Variants in FOXN3 observed in about 807,000 individuals in gnomAD.
FOXN3 encodes the protein forkhead box N3.
Under a neutral mutation model 38.4 loss-of-function variants are expected in FOXN3, and 7 were observed. The ratio of observed to expected loss-of-function variants is 0.18; its 90% CI spans 0.10 to 0.34. The LOEUF (loss-of-function observed/expected upper bound fraction) is 0.34, where lower values mean the gene tolerates loss of function less well. FOXN3 is among the 10% of genes least tolerant of loss of function. The pLI, the probability that FOXN3 is intolerant of heterozygous loss-of-function variation, is 1.00. For missense variants in FOXN3, 456 were observed against 613.4 expected (o/e 0.74, Z 2.71); for synonymous variants, 230 against 242.2 (o/e 0.95, Z 0.47).
rs1894938794 is a variant in FOXN3 at position 89,548,825 on chromosome 14, T to A, written c.-15+70203A>T. ...AGAAATATCAGAACAAGGTATTCAG[T>A]TTTTTATAATGTGCCGGGCGCGGTG... On this transcript the variant is annotated intron_variant, in intron 1 of 6. Transcript: ENST00000345097. This position sits in a 1 kb window ranked among gnomAD's most constrained non-coding sequence, Gnocchi z 4.8. Among the ~76,000 whole-genome samples the A allele has an allele frequency of 6.6e-6, 1 of 152,164 alleles. No individual in the cohort carries two copies. The highest frequency in any genetic ancestry group is 1.9e-4 in the East Asian group (1 of 5,198).
At position 89,224,091 on chromosome 14, in the gene FOXN3, A is replaced by G. The variant is rs80175297; in HGVS notation, c.746-43285T>C. Among the ~76,000 whole-genome samples the G allele has an allele frequency of 7.8e-3, 1,187 of 152,174 alleles. 18 individuals carry two copies. Among genetic ancestry groups the G allele is most frequent in the African/African-American group, 0.028 (1,152 of 41,400 alleles). On this transcript the variant is annotated intron_variant, in intron 4 of 5. Transcript: ENST00000557258. ...GATTTTGATTTGAAGTCAAAATCTC[A>G]GTAAGGTCATATATACTATACAAGA...
intron 1 of FOXN3, among the ~76,000 whole-genome samples, chr14:89,581,502 AAGAT>A (rs1383982522): frequency 1.3e-5 from 2 of 151,698 alleles, no homozygotes; most frequent in Non-Finnish European, 2.9e-5. Flanking sequence ...AAAAAAGAGA[AAGAT>A]AGAATAGGAA....
At chr14:89,354,704 A>G (rs1276666930) in intron 2 of FOXN3, among the ~76,000 whole-genome samples, 2 of 151,584 alleles carry the variant, frequency 1.3e-5, no homozygotes, top group Non-Finnish European at 2.9e-5. Context: ...AAAATACCAT[A>G]ATTAGCTGGG....
At chr14:89,286,982 C>T (rs995547574) in intron 3 of FOXN3, among the ~76,000 whole-genome samples, 3 of 152,020 alleles carry the variant, frequency 2.0e-5, no homozygotes, top group Non-Finnish European at 4.4e-5. Flanking sequence ...GTGGAGAGAC[C>T]GTGGGATTTG....
chr14:89,465,416 G>T (rs145428602), intron 1 of FOXN3, among the ~76,000 whole-genome samples: 1 of 152,256 alleles, frequency 6.6e-6, no homozygotes, highest in African/African-American at 2.4e-5. Flanking sequence ...TTTTAGTAGA[G>T]ACGGGTTTTC....
chr14:89,365,888 T>G (rs1890126403), intron 2 of FOXN3, among the ~76,000 whole-genome samples: 2 of 152,160 alleles, frequency 1.3e-5, no homozygotes, highest in Admixed American at 1.3e-4. Context: ...AAATTTAACA[T>G]GAAAGTTAAA....
chr14:89,517,166 A>C (rs998052331), intron 1 of FOXN3, among the ~76,000 whole-genome samples: 6 of 152,016 alleles, frequency 3.9e-5, no homozygotes, highest in African/African-American at 1.4e-4. Flanking sequence ...CCCCAACCAG[A>C]CAGATGGTCA....
chr14:89,463,925 C>T (rs899302554), intron 1 of FOXN3, among the ~76,000 whole-genome samples: 6 of 150,870 alleles, frequency 4.0e-5, no homozygotes, highest in Admixed American at 6.6e-5. Context: ...GCTGGGATTA[C>T]AGGCACATGC....
At chr14:89,406,432 A>C (rs1891390556) in intron 2 of FOXN3, among the ~76,000 whole-genome samples, 1 of 152,066 alleles carries the variant, frequency 6.6e-6, no homozygotes, top group Non-Finnish European at 1.5e-5. Context: ...AAATTAAATC[A>C]ATAATTTTTA....
chr14:89,235,369 G>A (rs1332933772), intron 4 of FOXN3, among the ~76,000 whole-genome samples: 1 of 152,186 alleles, frequency 6.6e-6, no homozygotes, highest in Non-Finnish European at 1.5e-5. Flanking sequence ...GTATAGGAGT[G>A]TGCCTGTGTG....
chr14:89,492,044 G>C (rs1238642042), intron 1 of FOXN3, among the ~76,000 whole-genome samples: 1 of 152,162 alleles, frequency 6.6e-6, no homozygotes, highest in East Asian at 1.9e-4. Flanking sequence ...CTGACTGTTG[G>C]AAAGGCCTGC....
At chr14:89,235,380 A>G (rs955873742) in intron 4 of FOXN3, among the ~76,000 whole-genome samples, 45 of 152,038 alleles carry the variant, frequency 3.0e-4, no homozygotes, top group African/African-American at 1.1e-3. Flanking sequence ...TGCCTGTGTG[A>G]GGGGCTTCTG....
At chr14:89,347,580 A>G (rs1357655164) in intron 3 of FOXN3, among the ~76,000 whole-genome samples, 1 of 152,230 alleles carries the variant, frequency 6.6e-6, no homozygotes, top group African/African-American at 2.4e-5. Flanking sequence ...CACTTCGATT[A>G]AAAACAATTC....
intron 1 of FOXN3, among the ~76,000 whole-genome samples, chr14:89,576,027 A>T (rs1895606280): frequency 6.6e-6 from 1 of 152,336 alleles, no homozygotes; most frequent in South Asian, 2.1e-4. Context: ...CATCGCTGAC[A>T]TCGTAAGTGA....
intron 4 of FOXN3, among the ~76,000 whole-genome samples, chr14:89,239,218 G>T (rs1885071344): frequency 6.6e-6 from 1 of 152,178 alleles, no homozygotes; most frequent in South Asian, 2.1e-4. Flanking sequence ...TTTCCTAGTT[G>T]TAAATAACCA....
chr14:89,390,284 TC>T (rs991525164), intron 2 of FOXN3, among the ~76,000 whole-genome samples: 2 of 139,832 alleles, frequency 1.4e-5, no homozygotes, highest in African/African-American at 5.1e-5. Context: ...TAGATCTCTC[TC>T]GTTCTCTTTC....
At chr14:89,452,689 C>T (rs1347331940) in intron 1 of FOXN3, among the ~76,000 whole-genome samples, 3 of 152,084 alleles carry the variant, frequency 2.0e-5, no homozygotes, top group Non-Finnish European at 4.4e-5. Flanking sequence ...ACTGATGCAC[C>T]CACCCAACAG....
chr14:89,546,973 C>CG (rs761444253), intron 1 of FOXN3, among the ~76,000 whole-genome samples: 140 of 151,956 alleles, frequency 9.2e-4, no homozygotes, highest in African/African-American at 1.2e-3. Flanking sequence ...TTAGTAGAGA[C>CG]GGGGTTTCAC....
At chr14:89,471,707 T>A (rs943635913) in intron 1 of FOXN3, among the ~76,000 whole-genome samples, 10 of 152,156 alleles carry the variant, frequency 6.6e-5, no homozygotes, top group African/African-American at 2.4e-4. Flanking sequence ...TTCAGCTCTC[T>A]CTCCTTCAAC....
Sources: allele counts gnomAD v4.1 joint callset (sites outside exome capture counted in the v4.1 genomes callset), GRCh38; gene constraint gnomAD v4.1.1; non-coding constraint Gnocchi (gnomAD v3.1); transcripts MANE v1.5; gene names NCBI Gene and HGNC (gene_info 2026-07-23, HGNC 2026-07-21).